The following ABLIM1 variants were observed in gnomAD, a reference collection of about 807,000 sequenced individuals.
The protein encoded by ABLIM1 is actin binding LIM protein 1.
A neutral mutation model predicts 107.0 loss-of-function variants in ABLIM1; 40 were observed. The ratio of observed to expected loss-of-function variants is 0.37; its 90% CI spans 0.29 to 0.49. The LOEUF (loss-of-function observed/expected upper bound fraction) is 0.49, where lower values mean the gene tolerates loss of function less well. ABLIM1 is among the 20% of genes least tolerant of loss of function. The pLI, the probability that ABLIM1 is intolerant of heterozygous loss-of-function variation, is 0.97. For synonymous variants in ABLIM1, 357 were observed against 357.3 expected (o/e 1.00, Z 0.01); for missense variants, 857 against 1,008.5 (o/e 0.85, Z 2.04).
chr10:114,509,687 C>A (rs1293885791), intron 6 of ABLIM1, among the ~76,000 whole-genome samples: 1 of 152,222 alleles, frequency 6.6e-6, no homozygotes, highest in Admixed American at 6.5e-5. Flanking sequence ...TCTCAATCTA[C>A]CTGTCCAGTT....
At chr10:114,566,331 A>C (rs868102104) in intron 4 of ABLIM1, among the ~76,000 whole-genome samples, 7 of 151,984 alleles carry the variant, frequency 4.6e-5, no homozygotes, top group South Asian at 2.1e-4. Flanking sequence ...TCCTGCTCAG[A>C]TGTCTGAAAT....
chr10:114,556,701 T>C (rs1565923725), intron 4 of ABLIM1, among the ~76,000 whole-genome samples: 3 of 152,306 alleles, frequency 2.0e-5, no homozygotes, highest in South Asian at 4.1e-4. Flanking sequence ...CTAGCAAGTG[T>C]ATATTGTTGA....
chr10:114,457,346 T>C (rs1211404491), intron 12 of ABLIM1, among the ~76,000 whole-genome samples: 2 of 152,156 alleles, frequency 1.3e-5, no homozygotes, highest in African/African-American at 4.8e-5. Flanking sequence ...CTCGGCTCAT[T>C]GTAACCTCCG....
intron 1 of ABLIM1, among the ~76,000 whole-genome samples, chr10:114,683,654 A>G (rs1474794897): frequency 6.6e-6 from 1 of 152,184 alleles, no homozygotes; most frequent in African/African-American, 2.4e-5. Flanking sequence ...TCCAGGAACC[A>G]AAATAAGTTA....
At chr10:114,516,715 T>G (rs1420992949) in intron 6 of ABLIM1, among the ~76,000 whole-genome samples, 2 of 152,226 alleles carry the variant, frequency 1.3e-5, no homozygotes, top group Non-Finnish European at 2.9e-5. Flanking sequence ...AGCTTCACAC[T>G]GGATTCAGTC....
At chr10:114,451,565 AAGG>A (rs2061905945) in intron 14 of ABLIM1, 56 bp downstream of exon 14, 5 of 1,492,766 alleles carry the variant, frequency 3.3e-6, no homozygotes, top group Middle Eastern at 1.7e-4. Flanking sequence ...AGAGGACAGC[AAGG>A]AGAAGTTCAG....
intron 8 of ABLIM1, among the ~76,000 whole-genome samples, chr10:114,487,587 G>T (rs2058370478): frequency 6.6e-6 from 1 of 152,182 alleles, no homozygotes. Flanking sequence ...TAGAGCTGGG[G>T]TCAGAGTAGT....
intron 17 of ABLIM1, among the ~76,000 whole-genome samples, chr10:114,442,399 T>G (rs1341667289): frequency 6.6e-6 from 1 of 152,238 alleles, no homozygotes; most frequent in Non-Finnish European, 1.5e-5. Flanking sequence ...AGCCCTGGGC[T>G]TGAATTCTGG....
chr10:114,654,106 G>C (rs142855978), intron 1 of ABLIM1, among the ~76,000 whole-genome samples: 1 of 152,176 alleles, frequency 6.6e-6, no homozygotes, highest in Non-Finnish European at 1.5e-5. Context: ...CTGGGGCTTC[G>C]TAGCACAGGA....
intron 2 of ABLIM1, among the ~76,000 whole-genome samples, chr10:114,580,063 A>C (rs1192799076): frequency 6.6e-6 from 1 of 152,058 alleles, no homozygotes; most frequent in East Asian, 1.9e-4. Context: ...TGTCCAGTAG[A>C]GATGCAGATG....
chr10:114,701,547 G>T (rs1370881248), intron 1 of ABLIM1, among the ~76,000 whole-genome samples: 1 of 152,174 alleles, frequency 6.6e-6, no homozygotes, highest in South Asian at 2.1e-4. Flanking sequence ...TAATCAAATT[G>T]TGATATACCT....
intron 1 of ABLIM1, among the ~76,000 whole-genome samples, chr10:114,657,071 T>C (rs2141188748): frequency 6.6e-6 from 1 of 152,350 alleles, no homozygotes; most frequent in Admixed American, 6.5e-5. Context: ...ATATGAATTA[T>C]AACTCAATAA....
At chr10:114,674,154 G>C (rs1429092208) in intron 1 of ABLIM1, among the ~76,000 whole-genome samples, 4 of 152,026 alleles carry the variant, frequency 2.6e-5, no homozygotes, top group Non-Finnish European at 5.9e-5. Flanking sequence ...GCCAGGTGTG[G>C]TGGCATGCGC....
At chr10:114,507,131 A>C (rs2061265005) in intron 6 of ABLIM1, among the ~76,000 whole-genome samples, 1 of 152,220 alleles carries the variant, frequency 6.6e-6, no homozygotes, top group Non-Finnish European at 1.5e-5. Flanking sequence ...GAGCAGTCAG[A>C]AAAACACAGC....
At chr10:114,675,633 A>ACATATACAACTCCTGTCATGCTTACCT (rs1698807737) in intron 1 of ABLIM1, among the ~76,000 whole-genome samples, 1 of 152,240 alleles carries the variant, frequency 6.6e-6, no homozygotes, top group Non-Finnish European at 1.5e-5. Context: ...GCGTGTATTT[A>ACATATACAACTCCTGTCATGCTTACCT]CATATACAAC....
At chr10:114,525,939 T>G (rs1410548849) in intron 6 of ABLIM1, among the ~76,000 whole-genome samples, 1 of 151,792 alleles carries the variant, frequency 6.6e-6, no homozygotes, top group Non-Finnish European at 1.5e-5. Flanking sequence ...TAAAACACTT[T>G]CCCCCCAAAA....
At chr10:114,513,800 G>T (rs1256050561) in intron 6 of ABLIM1, among the ~76,000 whole-genome samples, 1 of 152,188 alleles carries the variant, frequency 6.6e-6, no homozygotes, top group African/African-American at 2.4e-5. Context: ...ACACTACCAA[G>T]AAATCTATCT....
At chr10:114,774,269 A>G in the ABLIM1 span, among the ~76,000 whole-genome samples, 1 of 152,242 alleles carries the variant, frequency 6.6e-6, no homozygotes, top group Non-Finnish European at 1.5e-5. Context: ...AGCCCAGGAC[A>G]GTGGTTCTTG....
intron 19 of ABLIM1, among the ~76,000 whole-genome samples, chr10:114,440,546 A>T (rs995963044): frequency 1.3e-5 from 2 of 152,096 alleles, no homozygotes; most frequent in Admixed American, 6.5e-5. Context: ...CCTGGGCTTA[A>T]GCAATTCTCC....
Sources: allele counts gnomAD v4.1 joint callset (sites outside exome capture counted in the v4.1 genomes callset), GRCh38; gene constraint gnomAD v4.1.1; transcripts MANE v1.5; gene names NCBI Gene and HGNC (gene_info 2026-07-23, HGNC 2026-07-21).